Variants in MCUB observed in about 807,000 individuals in gnomAD.
MCUB encodes calcium uniporter regulatory subunit MCUb, mitochondrial.
A neutral mutation model predicts 41.4 loss-of-function variants in MCUB; 46 were observed. The ratio of observed to expected loss-of-function variants is 1.11; its 90% CI spans 0.88 to 1.42. MCUB has a LOEUF of 1.42. MCUB is among the 40% of genes most tolerant of loss of function. MCUB has a pLI of 0.00. For missense variants in MCUB, 403 were observed against 404.9 expected, an observed-to-expected ratio of 1.00 and a Z score of 0.04; for synonymous variants, 148 against 148.2, an observed-to-expected ratio of 1.00 and a Z score of 0.01.
rs141681435 is a variant in MCUB, at chr4:109,682,665, G to C, written c.535G>C (p.Glu179Gln). The C allele has an allele frequency of 6.2e-7, 1 of 1,612,692 alleles. No homozygotes were observed. Among genetic ancestry groups the C allele is most frequent in the African/African-American group, 1.3e-5 (1 of 74,898 alleles). ...ACTATTTACAATCTTGCATTTAGAAGAGTCTCAGAAAAAGAGAGAGCACCA... is the reference window on the plus strand; with the variant it reads ...ACTATTTACAATCTTGCATTTAGAACAGTCTCAGAAAAAGAGAGAGCACCA... ...HRLFTILHLE[E>Q]SQKKREHHLL... Residue 179 changes from glutamate to glutamine, a missense_variant, in exon 5 of 8, where the codon GAG becomes CAG. Glu to Gln is a conservative substitution (Grantham distance 29). Transcript: ENST00000394650.
rs573985441 is a variant in MCUB at position 109,566,208 on chromosome 4, G to A, written c.99+5772G>A. 2.1e-3 allele frequency among the ~76,000 whole-genome samples: 316 copies of A among 150,180 alleles called. 3 individuals are homozygous for A. In the South Asian group the frequency reaches 0.03, roughly 14 times the overall value. On this transcript the variant is annotated intron_variant, in intron 1 of 7. Coordinates refer to ENST00000394650, the MANE Select transcript of MCUB (RefSeq NM_017918.5). ...ACAGTGGCCGGGCACAGTGGCTCAC[G>A]CCTGTAATTCCAGCACTTTGGGAGG... is the stretch of plus-strand genomic sequence containing the variant.
At chr4:109,598,288 A>C (rs1044344242) in intron 1 of MCUB, among the ~76,000 whole-genome samples, 1 of 151,872 alleles carries the variant, frequency 6.6e-6, no homozygotes, top group African/African-American at 2.4e-5. Flanking sequence ...ATGCCACTGC[A>C]CTCCAGCCGG....
chr4:109,560,606 G>C (rs1428295740), intron 1 of MCUB, among the ~76,000 whole-genome samples, 170 bp downstream of exon 1: 3 of 152,212 alleles, frequency 2.0e-5, no homozygotes, highest in Non-Finnish European at 2.9e-5. Context: ...GGCGGCCGAC[G>C]TGGGTCACGG....
At chr4:109,580,156 T>C (rs1434798487) in intron 1 of MCUB, among the ~76,000 whole-genome samples, 1 of 152,370 alleles carries the variant, frequency 6.6e-6, no homozygotes, top group East Asian at 1.9e-4. Flanking sequence ...TGCAATAGTT[T>C]GCTCGGAGTG....
At position 109,688,155 on chromosome 4, in the gene MCUB, C is replaced by T. The variant is rs756150545; in HGVS notation, c.*563C>T. On this transcript the variant is annotated 3_prime_UTR_variant, in exon 8 of 8. Coordinates refer to ENST00000394650, the MANE Select transcript of MCUB (RefSeq NM_017918.5). ...CTTCAACTGAAACAGTGTATATAAA[C>T]GATTGCTTTTGAACCTGCAAATCAC... 3 of 152,132 alleles carry T rather than the reference C, an allele frequency of 2.0e-5. No homozygotes were observed. Among genetic ancestry groups the T allele is most frequent in the African/African-American group, 4.8e-5 (2 of 41,408 alleles). 9.4% of individuals were successfully genotyped at this position (152,132 alleles called of 1,614,324 possible).
At chr4:109,649,311 G>GT (rs922121362) in intron 1 of MCUB, among the ~76,000 whole-genome samples, 1 of 151,976 alleles carries the variant, frequency 6.6e-6, no homozygotes, top group African/African-American at 2.4e-5. Flanking sequence ...TTGGCTAAAT[G>GT]TTTTTTTATA....
At chr4:109,650,200 A>G (rs1036235297) in intron 1 of MCUB, among the ~76,000 whole-genome samples, 3 of 152,168 alleles carry the variant, frequency 2.0e-5, no homozygotes, top group African/African-American at 7.2e-5. Context: ...CAGAATTTTA[A>G]TAATAACCCT....
chr4:109,583,541 G>A (rs987085529), intron 1 of MCUB, among the ~76,000 whole-genome samples: 1 of 152,084 alleles, frequency 6.6e-6, no homozygotes, highest in African/African-American at 2.4e-5. Flanking sequence ...TTTCCTAATC[G>A]AATACACTTT....
At chr4:109,646,628 G>A (rs1248507975) in intron 1 of MCUB, among the ~76,000 whole-genome samples, 2 of 152,088 alleles carry the variant, frequency 1.3e-5, no homozygotes, top group Non-Finnish European at 2.9e-5. Context: ...AAAGCTTGTG[G>A]ACAATGAGAT....
At chr4:109,626,690 A>G (rs1445532557) in intron 1 of MCUB, among the ~76,000 whole-genome samples, 1 of 152,034 alleles carries the variant, frequency 6.6e-6, no homozygotes, top group East Asian at 1.9e-4. Flanking sequence ...GCATGCGCCT[A>G]TAATCCTACC....
At chr4:109,684,284 G>T (rs558553594) in intron 5 of MCUB, among the ~76,000 whole-genome samples, 159 bp from the exon 6 acceptor site, 1 of 151,984 alleles carries the variant, frequency 6.6e-6, no homozygotes, top group Non-Finnish European at 1.5e-5. Context: ...GGATGGTCTC[G>T]ATCTCCTGAC....
chr4:109,563,799 C>A lies in MCUB; in HGVS notation c.99+3363C>A, dbSNP rs1246941385. Among the ~76,000 whole-genome samples, 7 of 152,264 alleles carry A rather than the reference C, an allele frequency of 4.6e-5. No homozygotes were observed. The East Asian group carries it at 1.3e-3, about 29-fold the overall frequency. ...GTACCTGTGAAACTAAGGTAGAAAA[C>A]CTCGAGCTAAAACTCCTGACCTCGT... On this transcript the variant is annotated intron_variant, in intron 1 of 7. Transcript: ENST00000394650.
At position 109,688,022 on chromosome 4, in the gene MCUB, T is replaced by TTAAC. The variant is rs1201688121; in HGVS notation, c.*432_*435dup. 2 of 154,906 alleles carry TTAAC rather than the reference T, an allele frequency of 1.3e-5. No individual in the cohort carries two copies. Among genetic ancestry groups the TTAAC allele is most frequent in the African/African-American group, 4.8e-5 (2 of 41,534 alleles). 9.6% of individuals were successfully genotyped at this position (154,906 alleles called of 1,614,324 possible). ...AACCTCCCACGGAATCGTCTTGTCATTAACTTCTTTTTTTAATATGCAGTA... is the reference window on the plus strand; with the variant it reads ...AACCTCCCACGGAATCGTCTTGTCATTAACTAACTTCTTTTTTTAATATGCAGTA... On this transcript the variant is annotated 3_prime_UTR_variant, in exon 8 of 8. Transcript: ENST00000394650.
At chr4:109,607,277 G>A (rs1345416489) in intron 1 of MCUB, among the ~76,000 whole-genome samples, 1 of 151,816 alleles carries the variant, frequency 6.6e-6, no homozygotes, top group East Asian at 1.9e-4. Flanking sequence ...GAGTGCAATG[G>A]CACGATCTTG....
intron 4 of MCUB, among the ~76,000 whole-genome samples, chr4:109,669,696 T>C (rs1255495281): frequency 1.3e-5 from 2 of 149,604 alleles, no homozygotes; most frequent in Non-Finnish European, 2.9e-5. Flanking sequence ...TGTTCTGTTC[T>C]GGTTTTTTTT....
At chr4:109,662,842 A>T (rs1729257407) in intron 3 of MCUB, among the ~76,000 whole-genome samples, 1 of 151,764 alleles carries the variant, frequency 6.6e-6, no homozygotes, top group African/African-American at 2.4e-5. Flanking sequence ...TTTTTAAAAG[A>T]CTCTGTGGGT....
intron 1 of MCUB, among the ~76,000 whole-genome samples, chr4:109,616,219 T>C (rs1170792893): frequency 1.3e-5 from 2 of 152,252 alleles, no homozygotes; most frequent in Non-Finnish European, 2.9e-5. Context: ...AATTATTTCC[T>C]TTCCCAGGAA....
At chr4:109,611,323 G>A (rs1728003152) in intron 1 of MCUB, among the ~76,000 whole-genome samples, 1 of 152,220 alleles carries the variant, frequency 6.6e-6, no homozygotes, top group Non-Finnish European at 1.5e-5. Flanking sequence ...GTAGAGATAA[G>A]AGAAGTTTTA....
intron 1 of MCUB, among the ~76,000 whole-genome samples, chr4:109,633,022 C>T (rs989610574): frequency 2.6e-5 from 4 of 152,050 alleles, no homozygotes; most frequent in Non-Finnish European, 5.9e-5. Context: ...GATTATGAAA[C>T]TACAATATAG....
Sources: gnomAD v4.1 joint callset for allele counts (sites outside exome capture counted in the v4.1 genomes callset) on GRCh38, gnomAD v4.1.1 for gene constraint, MANE v1.5 for transcripts, NCBI Gene and HGNC (gene_info 2026-07-23, HGNC 2026-07-21) for gene names.